The following CBFA2T2 variants were observed in gnomAD, a reference collection of about 807,000 sequenced individuals.
CBFA2T2 encodes CBFA2/RUNX1 partner transcriptional co-repressor 2.
A neutral mutation model predicts 62.2 loss-of-function variants in CBFA2T2; 11 were observed. The ratio of observed to expected loss-of-function variants is 0.18; its 90% CI spans 0.11 to 0.29. The LOEUF is 0.29. Among genes scored for constraint, CBFA2T2 ranks in the 10% least tolerant of loss-of-function variants. The pLI is 1.00. For missense variants in CBFA2T2, 592 were observed against 774.1 expected, an observed-to-expected ratio of 0.76 and a Z score of 2.79; for synonymous variants, 295 against 287.5, an observed-to-expected ratio of 1.03 and a Z score of -0.27.
chr20:33,506,990 CT>C (rs1239506847), intron 1 of CBFA2T2, among the ~76,000 whole-genome samples: 2 of 152,076 alleles, frequency 1.3e-5, no homozygotes, highest in Non-Finnish European at 2.9e-5. Flanking sequence ...GTGAATGTCC[CT>C]TTTTTGTAAA....
Position 33,499,000 on chromosome 20 carries a change from C to T in CBFA2T2, c.34+8699C>T, listed in dbSNP as rs565934554. Among the ~76,000 whole-genome samples, 36 of 150,684 alleles carry T rather than the reference C, an allele frequency of 2.4e-4. 1 individual carries two copies. The South Asian group carries it at 6.9e-3, about 29-fold the overall frequency. On this transcript the variant is annotated intron_variant, in intron 1 of 10. Coordinates refer to ENST00000342704, the MANE Select transcript of CBFA2T2 (RefSeq NM_001032999.3). ...GGAAGGTTGCAGTGAGCTGAGATCA[C>T]GCTGCTTCATTCCAGCCTGGGCGAA...
At position 33,644,749 on chromosome 20, in the gene CBFA2T2, A is replaced by G. The variant is rs2016992011; in HGVS notation, c.*103A>G. On this transcript the variant is annotated 3_prime_UTR_variant, in exon 11 of 11. Coordinates refer to ENST00000342704, the MANE Select transcript of CBFA2T2 (RefSeq NM_001032999.3). ...TGCATGTAGCTGCCGGGTCATCAGCAAGAAATGAATTGGAGGCAGGAAGAG... is the reference window on the plus strand; with the variant it reads ...TGCATGTAGCTGCCGGGTCATCAGCGAGAAATGAATTGGAGGCAGGAAGAG... 1.6e-6 allele frequency: 2 copies of G among 1,266,858 alleles called. No individual in the cohort carries two copies. The highest frequency in any genetic ancestry group is 2.9e-5 in the South Asian group (2 of 69,584). 78.5% of individuals were successfully genotyped at this position (1,266,858 alleles called of 1,614,324 possible).
intron 1 of CBFA2T2, among the ~76,000 whole-genome samples, chr20:33,525,541 T>C (rs1386634261): frequency 6.6e-6 from 1 of 152,102 alleles, no homozygotes; most frequent in Non-Finnish European, 1.5e-5. Context: ...TTGACAAGGT[T>C]TTATAACCAT....
rs200823352 is a variant in CBFA2T2 at position 33,624,987 on chromosome 20, C to G, written c.916C>G (p.Arg306Gly). ...GGAACCCAACAAGATGCTAGAGCAT[C>G]GAGAAGTTCGTGATAGACACCACAG... ...YREPNKMLEH[R>G]EVRDRHHSLG... The change falls in exon 6 of 11, where the codon CGA becomes GGA. Residue 306 changes from arginine (R) to glycine (G), a missense_variant. Physicochemically the swap from Arg to Gly is moderately radical, Grantham distance 125. Coordinates refer to ENST00000342704, the MANE Select transcript of CBFA2T2 (RefSeq NM_001032999.3). 1.2e-6 allele frequency: 2 copies of G among 1,614,098 alleles called. No individual in the cohort carries two copies. The highest frequency in any genetic ancestry group is 1.7e-6 in the Non-Finnish European group (2 of 1,180,006).
At chr20:33,494,603 GTTTTA>G (rs1247830954) in intron 1 of CBFA2T2, among the ~76,000 whole-genome samples, 1 of 143,370 alleles carries the variant, frequency 7.0e-6, no homozygotes, top group Admixed American at 7.0e-5. Context: ...GTATTGTTTT[GTTTTA>G]TTTTGTTTTG....
chr20:33,559,582 G>T (rs1057039595), intron 1 of CBFA2T2, among the ~76,000 whole-genome samples: 50 of 152,180 alleles, frequency 3.3e-4, no homozygotes, highest in Non-Finnish European at 5.7e-4. Context: ...TGCATCCTGG[G>T]TTCAAGCCAT....
chr20:33,521,492 G>A (rs1259314344), intron 1 of CBFA2T2, among the ~76,000 whole-genome samples: 1 of 152,120 alleles, frequency 6.6e-6, no homozygotes, highest in Non-Finnish European at 1.5e-5. Context: ...GCATCCTATA[G>A]TTTAAAATGG....
At chr20:33,538,917 C>T (rs570124402) in intron 1 of CBFA2T2, among the ~76,000 whole-genome samples, 1 of 151,410 alleles carries the variant, frequency 6.6e-6, no homozygotes, top group South Asian at 2.1e-4. Flanking sequence ...CTTCAGAAAA[C>T]ACTGGTTTCA....
chr20:33,592,407 A>ATATATATAATTATGTAAAAAT (rs1183852315), intron 1 of CBFA2T2, among the ~76,000 whole-genome samples: 155 of 147,720 alleles, frequency 1.0e-3, no homozygotes, highest in African/African-American at 3.6e-3. Context: ...TGTAAAAATT[A>ATATATATAATTATGTAAAAAT]TATATATAAT....
intron 8 of CBFA2T2, among the ~76,000 whole-genome samples, chr20:33,630,858 C>T (rs1055328330): frequency 6.6e-5 from 10 of 152,186 alleles, no homozygotes; most frequent in Admixed American, 1.3e-4. Flanking sequence ...AGAATTAATA[C>T]AGTATGTACA....
chr20:33,508,301 CTCAGGCTGGTG>C (rs1284817405), intron 1 of CBFA2T2, among the ~76,000 whole-genome samples: 1 of 152,078 alleles, frequency 6.6e-6, no homozygotes, highest in Non-Finnish European at 1.5e-5. Flanking sequence ...CACCATGTTG[CTCAGGCTGGTG>C]TCAAACTCCT....
chr20:33,623,669 G>A (rs2098056429), intron 5 of CBFA2T2: 5 of 640,462 alleles, frequency 7.8e-6, no homozygotes, highest in East Asian at 2.7e-5. Context: ...AGATCTGCCC[G>A]CCTCAACCTC....
intron 1 of CBFA2T2, among the ~76,000 whole-genome samples, chr20:33,503,641 T>G (rs1003746765): frequency 2.0e-5 from 3 of 152,152 alleles, no homozygotes; most frequent in African/African-American, 7.2e-5. Context: ...TTTATTTATC[T>G]TTTTTTCTTG....
intron 3 of CBFA2T2, among the ~76,000 whole-genome samples, chr20:33,614,403 T>C (rs1306962462): frequency 6.6e-6 from 1 of 152,200 alleles, no homozygotes; most frequent in Non-Finnish European, 1.5e-5. Flanking sequence ...ATACAATTGC[T>C]TTTTTTGAAT....
intron 1 of CBFA2T2, among the ~76,000 whole-genome samples, chr20:33,500,514 A>G (rs941856183): frequency 6.6e-6 from 1 of 152,008 alleles, no homozygotes; most frequent in Non-Finnish European, 1.5e-5. Flanking sequence ...GCTCAAGACC[A>G]GCCTGACCAA....
chr20:33,616,613 G>A (rs2015722226), intron 3 of CBFA2T2, among the ~76,000 whole-genome samples: 1 of 151,898 alleles, frequency 6.6e-6, no homozygotes, highest in South Asian at 2.1e-4. Flanking sequence ...TGTAATCCCA[G>A]CTACTTGGAA....
chr20:33,642,355 A>G (rs2016890074), intron 10 of CBFA2T2, among the ~76,000 whole-genome samples: 1 of 152,088 alleles, frequency 6.6e-6, no homozygotes, highest in Admixed American at 6.6e-5. Context: ...TAATCTCAGC[A>G]CTTTGGGAGG....
At chr20:33,580,677 C>T (rs1305956553) in intron 1 of CBFA2T2, among the ~76,000 whole-genome samples, 1 of 152,004 alleles carries the variant, frequency 6.6e-6, no homozygotes, top group Non-Finnish European at 1.5e-5. Flanking sequence ...GTGGCAATAC[C>T]CTGTCTCTAC....
intron 8 of CBFA2T2, among the ~76,000 whole-genome samples, chr20:33,631,558 C>T (rs2016452025): frequency 6.6e-6 from 1 of 152,014 alleles, no homozygotes; most frequent in South Asian, 2.1e-4. Context: ...AGATACAGCT[C>T]TTGCTGGAGT....
Sources: allele counts gnomAD v4.1 joint callset (sites outside exome capture counted in the v4.1 genomes callset), GRCh38; gene constraint gnomAD v4.1.1; transcripts MANE v1.5; gene names NCBI Gene and HGNC (gene_info 2026-07-23, HGNC 2026-07-21).